CD151: variants seen among roughly 807,000 people sequenced by gnomAD.
CD151 encodes CD151 molecule (Raph blood group).
Under a neutral mutation model 34.2 loss-of-function variants are expected in CD151, and 20 were observed. That is an observed-to-expected ratio of 0.58 (90% CI 0.41 to 0.85). The LOEUF is 0.85. Among genes scored for constraint, CD151 ranks in the 40% least tolerant of loss-of-function variants. The pLI, the probability that CD151 is intolerant of heterozygous loss-of-function variation, is 0.00. For missense variants in CD151, 306 were observed against 324.5 expected (o/e 0.94, Z 0.44); for synonymous variants, 157 against 131.7 (o/e 1.19, Z -1.32).
At chr11:834,016 G>C (rs1661116462) in intron 1 of CD151, 1 of 152,368 alleles carries the variant, frequency 6.6e-6, no homozygotes, top group African/African-American at 2.4e-5. Context: ...TGTGGGGGAA[G>C]GGCCAGTGAT....
Position 832,985 on chromosome 11 carries a change from T to TGCCGCCGCCGCCCCCGCA in CD151, c.-109_-108insCGCCGCCGCCCCCGCAGC, listed in dbSNP as rs1055598930. On this transcript the variant is annotated 5_prime_UTR_variant, in exon 1 of 9. Coordinates refer to ENST00000397420, the MANE Select transcript of CD151 (RefSeq NM_004357.5). ...CGCTGGGAGCCGCCGCCCCCGCAGC[T>TGCCGCCGCCGCCCCCGCA]GCTGCCGCCGCCGCCAGGGCCCGGA... 1.4e-4 allele frequency: 2 copies of TGCCGCCGCCGCCCCCGCA among 14,508 alleles called. No homozygotes were observed. Among genetic ancestry groups the TGCCGCCGCCGCCCCCGCA allele is most frequent in the South Asian group, 7.1e-4 (1 of 1,416 alleles). The allele number at this position is 14,508 out of a possible 1,614,324, so 0.9% of individuals were successfully genotyped here.
chr11:836,547 G>C (rs1017325058), intron 4 of CD151, 105 bp downstream of exon 4: 22 of 933,582 alleles, frequency 2.4e-5, no homozygotes, highest in East Asian at 1.1e-4. Context: ...CCTGGGGGGG[G>C]GGTCACGGTC....
rs563180215 is a variant in CD151, at chr11:837,984, C to T, written c.658C>T (p.Leu220=). Residue 220 remains leucine (L), a synonymous_variant, in exon 8 of 9, where the codon CTG becomes TTG. Transcript: ENST00000397420. ...GTTGGAGACCTTCATCCAGGAGCACCTGAGGGTCATTGGGGCTGTGGGGAT... is the reference window on the plus strand; with the variant it reads ...GTTGGAGACCTTCATCCAGGAGCACTTGAGGGTCATTGGGGCTGTGGGGAT... ...TKLETFIQEH[L]RVIGAVGIGI... 4 of 1,613,436 alleles carry T rather than the reference C, an allele frequency of 2.5e-6. No homozygotes were observed. The highest frequency in any genetic ancestry group is 3.4e-6 in the Non-Finnish European group (4 of 1,179,880).
intron 7 of CD151, 102 bp from the exon 8 acceptor site, chr11:837,840 G>A: frequency 1.0e-6 from 1 of 957,738 alleles, no homozygotes; most frequent in Non-Finnish European, 1.6e-6. Context: ...GGCTGCCTAG[G>A]TGCTAGGGGT....
rs1846863976 is a variant in CD151 at position 838,437 on chromosome 11, G to C, written c.*245G>C. ...GCTCCCCAGACACACTCTCTGCCTG[G>C]TGGTCAGATGCAGGTTGGAAGGGGC... On this transcript the variant is annotated 3_prime_UTR_variant, in exon 9 of 9. Transcript: ENST00000397420. The C allele has an allele frequency of 3.4e-6, 2 of 591,654 alleles. No homozygotes were observed. The highest frequency in any genetic ancestry group is 6.0e-6 in the Non-Finnish European group (2 of 331,678). The allele number at this position is 591,654 out of a possible 1,614,324, so 36.7% of individuals were successfully genotyped here.
rs533548949 is a variant in CD151, at chr11:835,778, C to T, written c.-7-285C>T. The T allele has an allele frequency of 1.1e-3, 399 of 362,788 alleles. 2 individuals are homozygous for T. The highest frequency in any genetic ancestry group is 7.7e-3 in the African/African-American group (370 of 47,992). 22.5% of individuals were successfully genotyped at this position (362,788 alleles called of 1,614,324 possible). A position where few individuals can be genotyped will look rare whatever the true frequency, so the allele number is the denominator to read the frequency against. ...TCTCGGCTCACTGCAAGCTTCGCCT[C>T]CCGGGTTCACGCCATTCTCCTGCCT... On this transcript the variant is annotated intron_variant, in intron 2 of 8. Coordinates refer to ENST00000397420, the MANE Select transcript of CD151 (RefSeq NM_004357.5).
intron 3 of CD151, 32 bp downstream of exon 3, chr11:836,185 C>G (rs753229468): frequency 1.4e-6 from 2 of 1,472,746 alleles, no homozygotes; most frequent in Non-Finnish European, 1.9e-6. Context: ...CCCACCCCCA[C>G]CCCCACCCCT....
chr11:838,616 G>T lies in CD151; in HGVS notation c.*424G>T. The T allele has an allele frequency of 4.0e-6, 1 of 252,900 alleles. No individual in the cohort carries two copies. The highest frequency in any genetic ancestry group is 7.8e-6 in the Non-Finnish European group (1 of 128,538). 15.7% of individuals were successfully genotyped at this position (252,900 alleles called of 1,614,324 possible). ...CTCTGACCCTTGGGCCTGGGCCTCT[G>T]CCCCTCCCAACCCAGCCCTCGTCTC... On this transcript the variant is annotated 3_prime_UTR_variant, in exon 9 of 9. Transcript: ENST00000397420.
chr11:837,740 G>A, intron 7 of CD151, 122 bp downstream of exon 7: 1 of 1,032,496 alleles, frequency 9.7e-7, no homozygotes, highest in Non-Finnish European at 1.4e-6. Context: ...GGTCACCCCA[G>A]TGGCCGGATG....
chr11:837,394 G>GCCTCCCTGGA (rs1208657678), intron 6 of CD151, 40 bp downstream of exon 6: 1 of 1,610,366 alleles, frequency 6.2e-7, no homozygotes, highest in Non-Finnish European at 8.5e-7. Flanking sequence ...CATCCCCAGG[G>GCCTCCCTGGA]CCTCCCTGGA....
intron 2 of CD151, chr11:835,641 C>T (rs1269697032): frequency 5.9e-6 from 1 of 170,244 alleles, no homozygotes; most frequent in Non-Finnish European, 1.3e-5. Flanking sequence ...CGCACCTGGA[C>T]TCCTTTCCTC....
chr11:837,853 G>T (rs1178410358), intron 7 of CD151, 89 bp from the exon 8 acceptor site: 3 of 1,094,746 alleles, frequency 2.7e-6, no homozygotes, highest in Non-Finnish European at 4.0e-6. Context: ...CTAGGGGTGG[G>T]TTTGGCCACA....
In CD151 at chr11:837,267, G is replaced by C. The variant is rs1449730015; in HGVS notation, c.369G>C (p.Lys123Asn). Residue 123 changes from lysine to asparagine, a missense_variant, in exon 6 of 9, where the codon AAG becomes AAC. Coordinates refer to ENST00000397420, the MANE Select transcript of CD151 (RefSeq NM_004357.5). ...AACCCCAGCTGAACACGGAGCTCAA[G>C]GAGAACCTGAAGGACACCATGACCA... is the stretch of plus-strand genomic sequence containing the variant. ...AYYQQLNTEL[K>N]ENLKDTMTKR... 1.2e-6 allele frequency: 2 copies of C among 1,612,966 alleles called. No homozygotes were observed. The highest frequency in any genetic ancestry group is 1.7e-6 in the Non-Finnish European group (2 of 1,179,916).
intron 1 of CD151, among the ~76,000 whole-genome samples, chr11:833,289 G>C (rs1846603771): frequency 6.6e-6 from 1 of 152,158 alleles, no homozygotes; most frequent in Admixed American, 6.5e-5. Context: ...AAGGAGAGGC[G>C]CCTCCCGGGC....
At position 836,339 on chromosome 11, in the gene CD151, T is replaced by G. The variant is rs762570483; in HGVS notation, c.173T>G (p.Leu58Arg). Residue 58 changes from leucine to arginine, a missense_variant, in exon 4 of 9, where the codon CTG becomes CGG. Physicochemically the swap from Leu to Arg is moderately radical, Grantham distance 102. Transcript: ENST00000397420. ...AGCCTGCTGGCCTCAGGCACCTACCTGGCCACAGCCTACATCCTGGTGGTG... is the reference window on the plus strand; with the variant it reads ...AGCCTGCTGGCCTCAGGCACCTACCGGGCCACAGCCTACATCCTGGTGGTG... Reference protein sequence around the residue: ...YISLLASGTYLATAYILVVAG... With the variant: ...YISLLASGTYRATAYILVVAG... 9.9e-6 allele frequency: 16 copies of G among 1,612,752 alleles called. No homozygotes were observed. In the East Asian group the frequency reaches 3.6e-4, roughly 36 times the overall value.
At chr11:838,057 TTG>T (rs1245369101) in intron 8 of CD151, 29 bp downstream of exon 8, 1 of 1,610,658 alleles carries the variant, frequency 6.2e-7, no homozygotes, top group South Asian at 1.1e-5. Context: ...GGCGGTCATC[TTG>T]TTGGGGACAC....
In CD151 at chr11:838,678, C is replaced by CT; in HGVS notation, c.*486_*487insT. On this transcript the variant is annotated 3_prime_UTR_variant, in exon 9 of 9. Coordinates refer to ENST00000397420, the MANE Select transcript of CD151 (RefSeq NM_004357.5). ...CCCCTGCTGTCTTCCCCACCGCAGT[C>CT]ACCACCACCCGAAATGCCACGTGGT... 4.9e-6 allele frequency: 1 copy of CT among 205,608 alleles called. No homozygotes were observed. The highest frequency in any genetic ancestry group is 1.0e-5 in the Non-Finnish European group (1 of 100,268). The allele number at this position is 205,608 out of a possible 1,614,324, so 12.7% of individuals were successfully genotyped here.
Position 836,903 on chromosome 11 carries a change from A to C in CD151, c.351+60A>C, listed in dbSNP as rs537436125. 1.3e-5 allele frequency: 19 copies of C among 1,435,394 alleles called. No individual in the cohort carries two copies. In the Admixed American group the frequency reaches 2.6e-4, roughly 19 times the overall value. The allele number at this position is 1,435,394 out of a possible 1,614,324, so 88.9% of individuals were successfully genotyped here. Reference sequence around the variant, plus strand: ...ACATGCACAGGCGGGGCGGACACACACACATGCACACGCGTGGCTAGCCCC... The same window carrying C: ...ACATGCACAGGCGGGGCGGACACACCCACATGCACACGCGTGGCTAGCCCC... On this transcript the variant is annotated intron_variant, in intron 5 of 8. Transcript: ENST00000397420.
intron 5 of CD151, 93 bp downstream of exon 5, chr11:836,936 ACC>A: frequency 9.2e-7 from 1 of 1,089,852 alleles, no homozygotes; most frequent in Non-Finnish European, 1.4e-6. Context: ...CCCAACCCCC[ACC>A]CCCATGGTCC....
Sources: allele counts gnomAD v4.1 joint callset (sites outside exome capture counted in the v4.1 genomes callset), GRCh38; gene constraint gnomAD v4.1.1; transcripts MANE v1.5; gene names NCBI Gene and HGNC (gene_info 2026-07-23, HGNC 2026-07-21).